RPS6KA1: variants seen among roughly 807,000 people sequenced by gnomAD.
The protein encoded by RPS6KA1 is ribosomal protein S6 kinase A1, also known as ribosomal protein S6 kinase alpha-1.
RPS6KA1 carries 48 observed loss-of-function variants against 91.3 expected under a neutral mutation model. That is an observed-to-expected ratio of 0.53 (90% CI 0.42 to 0.67). The LOEUF is 0.67. Among genes scored for constraint, RPS6KA1 ranks in the 30% least tolerant of loss-of-function variants. The probability of loss-of-function intolerance (pLI) is 0.00; values close to 1 mark genes in which losing one functional copy is unlikely to be tolerated. For synonymous variants in RPS6KA1, 359 were observed against 384.7 expected (o/e 0.93, Z 0.78); for missense variants, 719 against 960.5 (o/e 0.75, Z 3.32).
At chr1:26,532,993 G>A (rs1164276447) in intron 1 of RPS6KA1, among the ~76,000 whole-genome samples, 1 of 152,152 alleles carries the variant, frequency 6.6e-6, no homozygotes, top group African/African-American at 2.4e-5. Flanking sequence ...TTAGCACTTA[G>A]GTGATAAGTA....
At chr1:26,556,875 C>A in intron 12 of RPS6KA1, 123 bp from the exon 13 acceptor site, 1 of 1,169,984 alleles carries the variant, frequency 8.5e-7, no homozygotes, top group Non-Finnish European at 1.3e-6. Flanking sequence ...CTCCTGAGGG[C>A]AAGCAATTCC....
At chr1:26,556,588 G>C (rs1043190841) in intron 11 of RPS6KA1, 66 bp from the exon 12 acceptor site, 1 of 1,552,276 alleles carries the variant, frequency 6.4e-7, no homozygotes, top group Non-Finnish European at 8.9e-7. Context: ...GAGGCTGCTT[G>C]GTGGGCAGGG....
intron 1 of RPS6KA1, among the ~76,000 whole-genome samples, chr1:26,533,374 A>G (rs12724774): frequency 0.95 from 144,581 of 152,184 alleles, 68,683 homozygotes; most frequent in Non-Finnish European, 0.96. Flanking sequence ...GGGATTACAG[A>G]CATGAGCCAC....
intron 17 of RPS6KA1, among the ~76,000 whole-genome samples, chr1:26,569,183 A>G (rs997972614): frequency 6.6e-6 from 1 of 151,694 alleles, no homozygotes; most frequent in African/African-American, 2.4e-5. Flanking sequence ...AAAAAAAAAA[A>G]GAAAATTGTC....
At chr1:26,542,433 G>A (rs551512059) in intron 2 of RPS6KA1, among the ~76,000 whole-genome samples, 1 of 152,358 alleles carries the variant, frequency 6.6e-6, no homozygotes, top group African/African-American at 2.4e-5. Context: ...TGCGGACAGG[G>A]TTTCCGATCA....
chr1:26,571,345 G>A lies in RPS6KA1; in HGVS notation c.1591-104G>A, dbSNP rs149251997. 210 of 1,081,522 alleles carry A rather than the reference G, an allele frequency of 1.9e-4. 2 individuals are homozygous for A. The highest frequency in any genetic ancestry group is 2.2e-4 in the South Asian group (15 of 68,406). The allele number at this position is 1,081,522 out of a possible 1,614,324, so 67.0% of individuals were successfully genotyped here. ...TCTCGGATGCCAAGTCCATGCACCC[G>A]TCCCTCTGCACCCTGTCTGTGTAGC... On this transcript the variant is annotated intron_variant, in intron 17 of 21. Coordinates refer to ENST00000374168, the MANE Select transcript of RPS6KA1 (RefSeq NM_002953.4). This position sits in a 1 kb window ranked among gnomAD's most constrained non-coding sequence, Gnocchi z 5.1.
rs576352989 is a variant in RPS6KA1 at position 26,559,088 on chromosome 1, C to T, written c.1215+151C>T. ...CATAAAACAGGGACAGTAAGGCCCACCTCACACAGTGGCCCTGATAATTGG... is the reference window on the plus strand; with the variant it reads ...CATAAAACAGGGACAGTAAGGCCCATCTCACACAGTGGCCCTGATAATTGG... On this transcript the variant is annotated intron_variant, in intron 14 of 21. Coordinates refer to ENST00000374168, the MANE Select transcript of RPS6KA1 (RefSeq NM_002953.4). The T allele has an allele frequency of 3.3e-5, 29 of 877,228 alleles. No homozygotes were observed. The South Asian group carries it at 5.1e-4, about 15-fold the overall frequency. The allele number at this position is 877,228 out of a possible 1,614,324, so 54.3% of individuals were successfully genotyped here.
rs560501416 is a variant in RPS6KA1, at chr1:26,529,951, C to G, written c.31C>G (p.Pro11Ala). 3,653 of 1,433,776 alleles carry G rather than the reference C, an allele frequency of 2.5e-3. 34 individuals carry two copies. Among genetic ancestry groups the G allele is most frequent in the Middle Eastern group, 6.1e-3 (24 of 3,964 alleles). 88.8% of individuals were successfully genotyped at this position (1,433,776 alleles called of 1,614,324 possible). The stretch of plus-strand genomic sequence containing the variant: ...GCTCGCCCAGCTCAAGGAGCCCTGG[C>G]CGCTCATGGAGCTAGTGCCTCTGGA... MPLAQLKEPW[P>A]LMELVPLDPE... The change falls in exon 1 of 22, where the codon CCG becomes GCG. Residue 11 changes from proline to alanine, a missense_variant. Around this residue, in one of 5 missense-constraint regions of RPS6KA1, gnomAD observed 57 missense variants for 55.8 expected, o/e 1.02. Coordinates refer to ENST00000374168, the MANE Select transcript of RPS6KA1 (RefSeq NM_002953.4). The surrounding 1 kb of genome is among the most constrained non-coding windows in gnomAD (Gnocchi z 4.2).
Position 26,553,439 on chromosome 1 carries a change from C to T in RPS6KA1, c.517C>T (p.Leu173=), listed in dbSNP as rs1340727485. 6.2e-7 allele frequency: 1 copy of T among 1,613,246 alleles called. No homozygotes were observed. Among genetic ancestry groups the T allele is most frequent in the Non-Finnish European group, 8.5e-7 (1 of 1,179,588 alleles). Residue 173 remains leucine (L), a synonymous_variant, in exon 7 of 22, where the codon CTG becomes TTG. Coordinates refer to ENST00000374168, the MANE Select transcript of RPS6KA1 (RefSeq NM_002953.4). ...DVKFYLAELA[L]GLDHLHSLGI... ...GAAGTTTTACCTGGCTGAGCTGGCT[C>T]TGGGCCTGGATCACCTGCACAGCCT...
chr1:26,543,631 G>A (rs116319813), intron 2 of RPS6KA1, among the ~76,000 whole-genome samples: 5,248 of 152,242 alleles, frequency 0.034, 132 homozygotes, highest in Non-Finnish European at 0.052. Flanking sequence ...GTCACAGACG[G>A]ACCCTAGTAC....
rs1019841392 is a variant in RPS6KA1 at position 26,572,252 on chromosome 1, C to G, written c.1906C>G (p.Leu636Val). ...CCGGATCGGCAGTGGGAAGTTTACC[C>G]TCAGTGGGGGAAATTGGAACACAGT... Reference protein sequence around the residue: ...LTRIGSGKFTLSGGNWNTVSE... With the variant: ...LTRIGSGKFTVSGGNWNTVSE... The change falls in exon 20 of 22, where the codon CTC becomes GTC. Residue 636 changes from leucine (L) to valine (V), a missense_variant. Coordinates refer to ENST00000374168, the MANE Select transcript of RPS6KA1 (RefSeq NM_002953.4). 1.9e-6 allele frequency: 3 copies of G among 1,613,848 alleles called. No individual in the cohort carries two copies. The African/African-American group carries it at 4.0e-5, about 22-fold the overall frequency.
chr1:26,554,307 G>T lies in RPS6KA1; in HGVS notation c.613+56G>T. The T allele has an allele frequency of 6.6e-7, 1 of 1,523,238 alleles. No homozygotes were observed. The highest frequency in any genetic ancestry group is 1.2e-5 in the South Asian group (1 of 83,126). 94.4% of individuals were successfully genotyped at this position (1,523,238 alleles called of 1,614,324 possible). A position where few individuals can be genotyped will look rare whatever the true frequency, so the allele number is the denominator to read the frequency against. Reference sequence around the variant, plus strand: ...CCAGGGGAGGACAGGACAAGGTCATGATAGGTCTCGGCTGAGTGCTGGGGG... The same window carrying T: ...CCAGGGGAGGACAGGACAAGGTCATTATAGGTCTCGGCTGAGTGCTGGGGG... On this transcript the variant is annotated intron_variant, in intron 8 of 21. Transcript: ENST00000374168. This position sits in a 1 kb window ranked among gnomAD's most constrained non-coding sequence, Gnocchi z 4.6.
rs2076279693 is a variant in RPS6KA1 at position 26,574,509 on chromosome 1, C to A, written c.*308C>A. The A allele has an allele frequency of 1.9e-6, 1 of 514,384 alleles. No individual in the cohort carries two copies. The highest frequency in any genetic ancestry group is 1.5e-5 in the South Asian group (1 of 65,036). The allele number at this position is 514,384 out of a possible 1,614,324, so 31.9% of individuals were successfully genotyped here. A position where few individuals can be genotyped will look rare whatever the true frequency, so the allele number is the denominator to read the frequency against. ...TTTGCCTTTCTGGGAGCAGAAACAG[C>A]CATTGCGGCCCCAGGAGGGGAACTG... On this transcript the variant is annotated 3_prime_UTR_variant, in exon 22 of 22. Coordinates refer to ENST00000374168, the MANE Select transcript of RPS6KA1 (RefSeq NM_002953.4). The surrounding 1 kb of genome is among the most constrained non-coding windows in gnomAD (Gnocchi z 4.3).
rs918621567 is a variant in RPS6KA1 at position 26,530,882 on chromosome 1, C to T, written c.63+899C>T. On this transcript the variant is annotated intron_variant, in intron 1 of 21. Transcript: ENST00000374168. ...GCTGGTGGAAAACTTCCTCCTTAAC[C>T]TCTTGCTGGGAAGGAAGCAGGTGAT... 3.9e-6 allele frequency: 5 copies of T among 1,276,976 alleles called. No individual in the cohort carries two copies. The Admixed American group carries it at 7.1e-5, about 18-fold the overall frequency. 79.1% of individuals were successfully genotyped at this position (1,276,976 alleles called of 1,614,324 possible).
chr1:26,547,202 G>A lies in RPS6KA1; in HGVS notation c.239G>A (p.Arg80Gln), dbSNP rs781685878. ...QGSFGKVFLV[R>Q]KVTRPDSGHL... Reference sequence around the variant, plus strand: ...CTGCCTTCTCAGGTCTTCCTGGTGCGGAAAGTCACCCGGCCTGACAGTGGG... The same window carrying A: ...CTGCCTTCTCAGGTCTTCCTGGTGCAGAAAGTCACCCGGCCTGACAGTGGG... The change falls in exon 4 of 22, where the codon CGG becomes CAG. Residue 80 changes from arginine to glutamine, a missense_variant. By Grantham distance (43) the Arg-to-Gln change is conservative (BLOSUM62 1). Transcript: ENST00000374168. The surrounding 1 kb of genome is among the most constrained non-coding windows in gnomAD (Gnocchi z 4.1). 1.1e-5 allele frequency: 18 copies of A among 1,613,886 alleles called. No individual in the cohort carries two copies. The highest frequency in any genetic ancestry group is 2.2e-5 in the East Asian group (1 of 44,880).
At chr1:26,548,150 G>A (rs1273733302) in intron 4 of RPS6KA1, among the ~76,000 whole-genome samples, 1 of 152,148 alleles carries the variant, frequency 6.6e-6, no homozygotes, top group Non-Finnish European at 1.5e-5. Context: ...AGGCCAGCCT[G>A]GTGGGTGTGG....
rs903001474 is a variant in RPS6KA1, at chr1:26,551,205, G to A, written c.308-192G>A. 6.6e-6 allele frequency among the ~76,000 whole-genome samples: 1 copy of A among 152,142 alleles called. No homozygotes were observed. Among genetic ancestry groups the A allele is most frequent in the Non-Finnish European group, 1.5e-5 (1 of 68,006 alleles). ...CTGCTGTGAGGGGTGGGGACAAGGA[G>A]CCAGCCAAGGAGCCAGAAACAGACT... is the stretch of plus-strand genomic sequence containing the variant. On this transcript the variant is annotated intron_variant, in intron 4 of 21. Coordinates refer to ENST00000374168, the MANE Select transcript of RPS6KA1 (RefSeq NM_002953.4). The surrounding 1 kb of genome is among the most constrained non-coding windows in gnomAD (Gnocchi z 4.5).
In RPS6KA1 at chr1:26,567,527, C is replaced by T. The variant is rs975328591; in HGVS notation, c.1591-3922C>T. Among the ~76,000 whole-genome samples the T allele has an allele frequency of 2.6e-5, 4 of 152,250 alleles. No individual in the cohort carries two copies. In the South Asian group the frequency reaches 8.3e-4, roughly 32 times the overall value. On this transcript the variant is annotated intron_variant, in intron 17 of 21. Transcript: ENST00000374168. ...TCCCGAGTAGCTGGGACTACAGATG[C>T]ATGCCACCACGCCCGGCTAACTTTT...
At chr1:26,546,344 C>A (rs958179346) in intron 2 of RPS6KA1, among the ~76,000 whole-genome samples, 2 of 152,212 alleles carry the variant, frequency 1.3e-5, no homozygotes, top group Non-Finnish European at 2.9e-5. Flanking sequence ...TAACTCTGAC[C>A]TGCCCCAGGC....
Sources: gnomAD v4.1 joint callset for allele counts (sites outside exome capture counted in the v4.1 genomes callset) on GRCh38, gnomAD v4.1.1 for gene constraint, gnomAD v4.1.1 regional missense constraint, Gnocchi (gnomAD v3.1) non-coding constraint, MANE v1.5 for transcripts, NCBI Gene and HGNC (gene_info 2026-07-23, HGNC 2026-07-21) for gene names.